The following SNCAIP variants were observed in gnomAD, a reference collection of about 807,000 sequenced individuals.
SNCAIP encodes synphilin-1.
A neutral mutation model predicts 86.7 loss-of-function variants in SNCAIP; 43 were observed. The ratio of observed to expected loss-of-function variants is 0.50; its 90% CI spans 0.39 to 0.64. The LOEUF is 0.64. Ranked by LOEUF, SNCAIP falls within the 30% of genes least tolerant of loss-of-function variation. The pLI is 0.00. For missense variants in SNCAIP, 981 were observed against 1,103.1 expected (o/e 0.89, Z 1.57); for synonymous variants, 417 against 427.2 (o/e 0.98, Z 0.29).
chr5:122,381,776 T>G (rs1408904329), intron 1 of SNCAIP, among the ~76,000 whole-genome samples: 4 of 152,082 alleles, frequency 2.6e-5, no homozygotes, highest in African/African-American at 4.8e-5. Flanking sequence ...GTCTGTAAAG[T>G]ATTTTATTTC....
chr5:122,343,769 A>G (rs1040206547), intron 1 of SNCAIP, among the ~76,000 whole-genome samples: 1 of 152,188 alleles, frequency 6.6e-6, no homozygotes, highest in South Asian at 2.1e-4. Flanking sequence ...GTGAGTAGCA[A>G]CTTCTTACTC....
chr5:122,395,698 C>T (rs1365215854), intron 2 of SNCAIP, among the ~76,000 whole-genome samples: 1 of 152,096 alleles, frequency 6.6e-6, no homozygotes, highest in Non-Finnish European at 1.5e-5. Flanking sequence ...TCACCTTTTC[C>T]TCCATTCAAT....
At chr5:122,386,290 A>AT (rs1768114182) in intron 1 of SNCAIP, among the ~76,000 whole-genome samples, 2 of 152,078 alleles carry the variant, frequency 1.3e-5, no homozygotes, top group South Asian at 2.1e-4. Flanking sequence ...TTGCTTGTCT[A>AT]TTTTTTTATT....
chr5:122,320,637 A>G (rs1331122971), intron 1 of SNCAIP, among the ~76,000 whole-genome samples: 2 of 152,196 alleles, frequency 1.3e-5, no homozygotes, highest in Non-Finnish European at 2.9e-5. Flanking sequence ...GGATGTTTAG[A>G]GTGCTTCAGG....
intron 6 of SNCAIP, among the ~76,000 whole-genome samples, chr5:122,439,071 A>G (rs999235511): frequency 1.1e-4 from 17 of 152,218 alleles, no homozygotes; most frequent in African/African-American, 4.1e-4. Flanking sequence ...TGTCCAATTA[A>G]AAGTAATCCA....
chr5:122,377,808 C>T (rs560479071), intron 1 of SNCAIP, among the ~76,000 whole-genome samples: 20 of 149,076 alleles, frequency 1.3e-4, no homozygotes, highest in South Asian at 8.6e-4. Flanking sequence ...TTTGTTCTTG[C>T]GATAGTTTAC....
intron 3 of SNCAIP, among the ~76,000 whole-genome samples, chr5:122,406,237 A>G (rs1581043884): frequency 6.6e-6 from 1 of 152,208 alleles, no homozygotes; most frequent in Non-Finnish European, 1.5e-5. Flanking sequence ...AATCAGTTCC[A>G]TAGGCATCCA....
intron 1 of SNCAIP, among the ~76,000 whole-genome samples, chr5:122,358,749 C>T (rs1761619057): frequency 6.6e-6 from 1 of 152,100 alleles, no homozygotes; most frequent in South Asian, 2.1e-4. Context: ...TCTGAACTTG[C>T]AGCACCCTAT....
At chr5:122,391,859 T>A (rs1769439200) in intron 2 of SNCAIP, among the ~76,000 whole-genome samples, 1 of 152,212 alleles carries the variant, frequency 6.6e-6, no homozygotes, top group African/African-American at 2.4e-5. Context: ...TGCTTGTGCC[T>A]TATCCGGGAC....
At chr5:122,379,896 G>A (rs1236150982) in intron 1 of SNCAIP, among the ~76,000 whole-genome samples, 3 of 152,104 alleles carry the variant, frequency 2.0e-5, no homozygotes, top group Non-Finnish European at 4.4e-5. Context: ...AAGCCCACTT[G>A]ATCATCGTGG....
At chr5:122,339,270 G>A (rs546888995) in intron 1 of SNCAIP, among the ~76,000 whole-genome samples, 8 of 152,186 alleles carry the variant, frequency 5.3e-5, no homozygotes, top group South Asian at 2.1e-4. Context: ...GTAAACCTCC[G>A]GTGTTCACAT....
intron 3 of SNCAIP, among the ~76,000 whole-genome samples, chr5:122,414,395 T>TA (rs1461943434): frequency 2.0e-5 from 3 of 152,102 alleles, no homozygotes; most frequent in African/African-American, 7.2e-5. Flanking sequence ...CATGCCTGGC[T>TA]AATTTTTGTA....
Position 122,431,964 on chromosome 5 carries a change from C to T in SNCAIP, c.1183-5C>T. The T allele has an allele frequency of 1.4e-6, 2 of 1,444,894 alleles. No individual in the cohort carries two copies. Among genetic ancestry groups the T allele is most frequent in the Non-Finnish European group, 1.9e-6 (2 of 1,026,192 alleles). The allele number at this position is 1,444,894 out of a possible 1,614,324, so 89.5% of individuals were successfully genotyped here. A position where few individuals can be genotyped will look rare whatever the true frequency, so the allele number is the denominator to read the frequency against. ...TTCCATCTCCCTTTCTTTTTTAAAA[C>T]CTAGAATGGTCAGTTGGAGTGCGTA... On this transcript the variant is annotated splice_polypyrimidine_tract_variant and splice_region_variant and intron_variant, in intron 5 of 10. Transcript: ENST00000261368.
chr5:122,419,590 G>A (rs1463890481), intron 3 of SNCAIP, among the ~76,000 whole-genome samples: 1 of 152,158 alleles, frequency 6.6e-6, no homozygotes, highest in Non-Finnish European at 1.5e-5. Context: ...AATTTTCTGG[G>A]TTCTTTAAGG....
chr5:122,382,451 G>T (rs970853473), intron 1 of SNCAIP, among the ~76,000 whole-genome samples: 27 of 151,848 alleles, frequency 1.8e-4, no homozygotes, highest in African/African-American at 5.8e-4. Context: ...CTTCTAAATT[G>T]TTTTCAAAGT....
intron 7 of SNCAIP, 133 bp from the exon 8 acceptor site, chr5:122,444,430 A>C: frequency 1.3e-6 from 1 of 798,122 alleles, no homozygotes; most frequent in South Asian, 1.4e-5. Flanking sequence ...TAGACTCTGA[A>C]GGGAGGTGTG....
In SNCAIP at chr5:122,388,264, A is replaced by AT. The variant is rs1021141923; in HGVS notation, c.-46-2813dup. Reference sequence around the variant, plus strand: ...GGTCTGCAAGTTGGCAACTGATTCAATTTTTTTTTTTTCTTTAACACTGTT... The same window carrying AT: ...GGTCTGCAAGTTGGCAACTGATTCAATTTTTTTTTTTTTCTTTAACACTGTT... On this transcript the variant is annotated intron_variant, in intron 1 of 10. Coordinates refer to ENST00000261368, the MANE Select transcript of SNCAIP (RefSeq NM_005460.4). Among the ~76,000 whole-genome samples, 808 of 147,668 alleles carry AT rather than the reference A, an allele frequency of 5.5e-3. 1 individual carries two copies. Among genetic ancestry groups the AT allele is most frequent in the Middle Eastern group, 0.021 (6 of 282 alleles).
chr5:122,365,657 C>A (rs971765442), intron 1 of SNCAIP, among the ~76,000 whole-genome samples: 1 of 152,114 alleles, frequency 6.6e-6, no homozygotes, highest in African/African-American at 2.4e-5. Flanking sequence ...CTAGTCTGGG[C>A]GGCAGAGTAA....
intron 2 of SNCAIP, among the ~76,000 whole-genome samples, chr5:122,402,799 T>C (rs1772103085): frequency 6.6e-6 from 1 of 152,160 alleles, no homozygotes; most frequent in Non-Finnish European, 1.5e-5. Context: ...TTTTTCTCAA[T>C]CCCCCCAAAT....
Sources: gnomAD v4.1 joint callset for allele counts (sites outside exome capture counted in the v4.1 genomes callset) on GRCh38, gnomAD v4.1.1 for gene constraint, MANE v1.5 for transcripts, NCBI Gene and HGNC (gene_info 2026-07-23, HGNC 2026-07-21) for gene names.